Variants in MYO16 observed in about 807,000 individuals in gnomAD.
The protein encoded by MYO16 is myosin XVI.
MYO16 carries 94 observed loss-of-function variants against 205.3 expected under a neutral mutation model. The observed-to-expected ratio is 0.46, with a 90% CI of 0.39 to 0.54. The LOEUF is 0.54. Among genes scored for constraint, MYO16 ranks in the 20% least tolerant of loss-of-function variants. The probability of loss-of-function intolerance (pLI) is 0.00; values close to 1 mark genes in which losing one functional copy is unlikely to be tolerated. For missense variants in MYO16, 2,315 were observed against 2,387.5 expected, an observed-to-expected ratio of 0.97 and a Z score of 0.63; for synonymous variants, 988 against 954.0, an observed-to-expected ratio of 1.04 and a Z score of -0.66.
At position 108,882,299 on chromosome 13, in the gene MYO16, A is replaced by G. The variant is rs76159459; in HGVS notation, c.1426-760A>G. ...CCCATTGTCTCAGTAATGCCCATAG[A>G]GCTAGAGATTCAGGCCAGCGCTGCA... On this transcript the variant is annotated intron_variant, in intron 12 of 34. Transcript: ENST00000457511. 0.021 allele frequency among the ~76,000 whole-genome samples: 3,182 copies of G among 152,276 alleles called. 211 individuals carry two copies. The East Asian group carries it at 0.22, about 10-fold the overall frequency.
intron 7 of MYO16, among the ~76,000 whole-genome samples, chr13:108,816,588 C>A (rs770559215): frequency 6.6e-6 from 1 of 152,154 alleles, no homozygotes; most frequent in African/African-American, 2.4e-5. Context: ...AGATAAGTTT[C>A]CCAATATGTC....
chr13:108,899,521 A>G (rs1217784500), intron 15 of MYO16, among the ~76,000 whole-genome samples: 1 of 152,196 alleles, frequency 6.6e-6, no homozygotes, highest in African/African-American at 2.4e-5. Context: ...TCAATCATTT[A>G]TTGGTTTTTT....
intron 22 of MYO16, among the ~76,000 whole-genome samples, chr13:109,015,393 T>C (rs1293994264): frequency 6.6e-6 from 1 of 152,192 alleles, no homozygotes; most frequent in Non-Finnish European, 1.5e-5. Flanking sequence ...TTCGCATCGA[T>C]GTTCATCAGG....
chr13:108,712,322 G>A (rs963502326), intron 2 of MYO16, among the ~76,000 whole-genome samples: 4 of 152,206 alleles, frequency 2.6e-5, no homozygotes, highest in African/African-American at 9.6e-5. Context: ...ATGCCCGTGT[G>A]AACCTAGTGA....
intron 20 of MYO16, among the ~76,000 whole-genome samples, chr13:108,965,465 G>A (rs944759022): frequency 1.3e-5 from 2 of 152,066 alleles, no homozygotes; most frequent in Admixed American, 6.5e-5. Flanking sequence ...GGAGTGCACG[G>A]GCACAATCTG....
chr13:108,574,979 A>G, the MYO16 span, among the ~76,000 whole-genome samples: 1 of 152,128 alleles, frequency 6.6e-6, no homozygotes, highest in African/African-American at 2.4e-5. Flanking sequence ...AGGTGTACTC[A>G]CATACTCCAG....
intron 4 of MYO16, among the ~76,000 whole-genome samples, chr13:108,736,836 C>T (rs568269349): frequency 3.9e-5 from 6 of 152,126 alleles, no homozygotes; most frequent in Admixed American, 6.5e-5. Context: ...GTTTGTAGTT[C>T]TCCTTGAAGA....
At chr13:108,766,001 C>T (rs913186739) in intron 4 of MYO16, among the ~76,000 whole-genome samples, 1 of 152,276 alleles carries the variant, frequency 6.6e-6, no homozygotes, top group African/African-American at 2.4e-5. Flanking sequence ...ACAAACATCT[C>T]AAAGAATATT....
intron 17 of MYO16, among the ~76,000 whole-genome samples, chr13:108,960,147 T>C (rs2139363552): frequency 6.6e-6 from 1 of 151,902 alleles, no homozygotes; most frequent in East Asian, 1.9e-4. Flanking sequence ...CACTATTTTT[T>C]GCCTGTAGTC....
chr13:108,615,606 G>C (rs1231237063), intron 1 of MYO16, among the ~76,000 whole-genome samples: 2 of 152,066 alleles, frequency 1.3e-5, no homozygotes, highest in Non-Finnish European at 2.9e-5. Context: ...TTGCAATTGA[G>C]TATTATTCAA....
At chr13:108,882,966 T>C in intron 12 of MYO16, 93 bp from the exon 13 acceptor site, 3 of 1,500,178 alleles carry the variant, frequency 2.0e-6, no homozygotes, top group East Asian at 2.3e-5. Context: ...CATTCACTTC[T>C]GTATCTTGGA....
intron 9 of MYO16, among the ~76,000 whole-genome samples, chr13:108,837,298 C>T (rs1016158140): frequency 4.6e-5 from 7 of 152,090 alleles, no homozygotes; most frequent in Admixed American, 3.3e-4. Flanking sequence ...TGAGGCCTCC[C>T]CAGCCATGTG....
chr13:108,582,835 G>A, the MYO16 span, among the ~76,000 whole-genome samples: 1 of 152,252 alleles, frequency 6.6e-6, no homozygotes, highest in South Asian at 2.1e-4. Flanking sequence ...AAAAGTTTCC[G>A]AGTACTCCTG....
chr13:108,853,654 T>C (rs559979314), intron 10 of MYO16, among the ~76,000 whole-genome samples: 1 of 150,068 alleles, frequency 6.7e-6, no homozygotes, highest in African/African-American at 2.5e-5. Flanking sequence ...TGGAGTGTAG[T>C]GGCACTATCA....
At chr13:108,682,373 A>G (rs1882497461) in intron 2 of MYO16, among the ~76,000 whole-genome samples, 2 of 151,462 alleles carry the variant, frequency 1.3e-5, no homozygotes, top group Admixed American at 1.3e-4. Flanking sequence ...TCTTCCCACA[A>G]TGTCAGGCTT....
the MYO16 span, among the ~76,000 whole-genome samples, chr13:108,558,883 C>G: frequency 2.0e-5 from 3 of 152,056 alleles, no homozygotes; most frequent in African/African-American, 7.2e-5. Flanking sequence ...TTTCAAAAAC[C>G]CACTATTTTT....
intron 21 of MYO16, among the ~76,000 whole-genome samples, chr13:108,994,134 A>G (rs1284747739): frequency 2.0e-5 from 3 of 152,176 alleles, no homozygotes; most frequent in Non-Finnish European, 4.4e-5. Flanking sequence ...TTCTTTTGCT[A>G]AATATTTTTA....
chr13:109,127,336 C>T lies in MYO16; in HGVS notation c.3837C>T (p.Cys1279=), dbSNP rs753361247. The change falls in exon 31 of 35, where the codon TGC becomes TGT. Residue 1279 remains cysteine, a synonymous_variant. Coordinates refer to ENST00000457511, the MANE Select transcript of MYO16 (RefSeq NM_001198950.3). The surrounding 1 kb of genome is among the most constrained non-coding windows in gnomAD (Gnocchi z 4.2). ...RHFHPSSMSV[C]AAVDGLGQCL... ...TCCACCCCAGCTCCATGTCAGTCTG[C>T]GCGGCCGTGGATGGCCTGGGCCAGT... 6.8e-6 allele frequency: 11 copies of T among 1,610,944 alleles called. No homozygotes were observed. The highest frequency in any genetic ancestry group is 4.5e-5 in the East Asian group (2 of 44,840).
rs1312249824 is a variant in MYO16 at position 108,935,906 on chromosome 13, A to C, written c.1926-21782A>C. On this transcript the variant is annotated intron_variant, in intron 16 of 34. Transcript: ENST00000457511. ...AGATGATTATGTAATTTTTGTTTTTAATTCTGTTTATGTGGTGAGCCACAT... is the reference window on the plus strand; with the variant it reads ...AGATGATTATGTAATTTTTGTTTTTCATTCTGTTTATGTGGTGAGCCACAT... 2.0e-5 allele frequency among the ~76,000 whole-genome samples: 3 copies of C among 150,648 alleles called. No homozygotes were observed. In the East Asian group the frequency reaches 5.8e-4, roughly 29 times the overall value.
Sources: gnomAD v4.1 joint callset for allele counts (sites outside exome capture counted in the v4.1 genomes callset) on GRCh38, gnomAD v4.1.1 for gene constraint, Gnocchi (gnomAD v3.1) non-coding constraint, MANE v1.5 for transcripts, NCBI Gene and HGNC (gene_info 2026-07-23, HGNC 2026-07-21) for gene names.